YWHAH: variants seen among roughly 807,000 people sequenced by gnomAD.
The protein encoded by YWHAH is 14-3-3 protein eta.
A neutral mutation model predicts 22.9 loss-of-function variants in YWHAH; 6 were observed. The observed-to-expected ratio is 0.26, with a 90% confidence interval of 0.14 to 0.52. The LOEUF (loss-of-function observed/expected upper bound fraction) is 0.52. YWHAH is among the 20% of genes least tolerant of loss of function. The pLI, the probability that YWHAH is intolerant of heterozygous loss-of-function variation, is 0.97. For synonymous variants in YWHAH, 135 were observed against 124.5 expected, an observed-to-expected ratio of 1.08 and a Z score of -0.56; for missense variants, 173 against 308.6, an observed-to-expected ratio of 0.56 and a Z score of 3.29.
intron 1 of YWHAH, among the ~76,000 whole-genome samples, chr22:31,949,738 C>A (rs112689445): frequency 6.6e-6 from 1 of 152,190 alleles, no homozygotes; most frequent in Non-Finnish European, 1.5e-5. Context: ...TTGATTTTCT[C>A]ATGGTCAAAC....
intron 1 of YWHAH, among the ~76,000 whole-genome samples, chr22:31,946,166 G>A (rs912628975): frequency 6.6e-6 from 1 of 152,124 alleles, no homozygotes; most frequent in African/African-American, 2.4e-5. Context: ...ACCGTTGCCC[G>A]TATGTTGATT....
chr22:31,953,556 C>T (rs75783805), intron 1 of YWHAH, among the ~76,000 whole-genome samples: 20,249 of 152,060 alleles, frequency 0.13, 2,122 homozygotes, highest in African/African-American at 0.3. Flanking sequence ...CTCTATTTTC[C>T]GTAAGAAAAT....
In YWHAH at chr22:31,956,711, G is replaced by A. The variant is rs35621275; in HGVS notation, c.660G>A (p.Thr220=). 2.7e-3 allele frequency: 4,402 copies of A among 1,613,842 alleles called. 28 individuals are homozygous for A. Among genetic ancestry groups the A allele is most frequent in the South Asian group, 5.4e-3 (490 of 91,044 alleles). Residue 220 remains threonine (T), a synonymous_variant, in exon 2 of 2, where the codon ACG becomes ACA. Coordinates refer to ENST00000248975, the MANE Select transcript of YWHAH (RefSeq NM_003405.4). The surrounding 1 kb of genome is among the most constrained non-coding windows in gnomAD (Gnocchi z 5.1). The stretch of plus-strand genomic sequence containing the variant: ...ACGAGGATTCCTATAAGGACTCCAC[G>A]CTGATCATGCAGTTGCTGCGAGACA... ...TLNEDSYKDS[T]LIMQLLRDNL... is the part of the protein sequence containing the mutation.
chr22:31,949,105 T>G (rs1603051153), intron 1 of YWHAH, among the ~76,000 whole-genome samples: 3 of 151,990 alleles, frequency 2.0e-5, no homozygotes, highest in Non-Finnish European at 4.4e-5. Context: ...GTGTGTGTGT[T>G]ACATTTAGCA....
chr22:31,954,796 G>T (rs1482303125), intron 1 of YWHAH, among the ~76,000 whole-genome samples: 1 of 152,088 alleles, frequency 6.6e-6, no homozygotes, highest in Non-Finnish European at 1.5e-5. Flanking sequence ...ACCTGTAATT[G>T]CACTTAGGGC....
chr22:31,950,231 C>G, intron 1 of YWHAH: 5 of 700,602 alleles, frequency 7.1e-6, no homozygotes, highest in Non-Finnish European at 1.3e-5. Flanking sequence ...GTTGTTTCTC[C>G]ATATTGCCTT....
rs576593511 is a variant in YWHAH at position 31,944,630 on chromosome 22, G to C, written c.-104G>C. The C allele has an allele frequency of 1.1e-3, 960 of 909,002 alleles. 9 individuals are homozygous for C. In the African/African-American group the frequency reaches 0.014, roughly 14 times the overall value. 56.3% of individuals were successfully genotyped at this position (909,002 alleles called of 1,614,324 possible). Reference sequence around the variant, plus strand: ...CCGGCCGGCCGGCGAGCCAGTGCGCGTGCGCGGCGGCGGCCTCCGCAGCGA... The same window carrying C: ...CCGGCCGGCCGGCGAGCCAGTGCGCCTGCGCGGCGGCGGCCTCCGCAGCGA... On this transcript the variant is annotated 5_prime_UTR_variant, in exon 1 of 2. Transcript: ENST00000248975.
chr22:31,957,381 T>C lies in YWHAH; in HGVS notation c.*589T>C, dbSNP rs1299706605. On this transcript the variant is annotated 3_prime_UTR_variant, in exon 2 of 2. Coordinates refer to ENST00000248975, the MANE Select transcript of YWHAH (RefSeq NM_003405.4). ...CAAACCTTCTTTTCAATGCAATGCA[T>C]CTGAAAGTTTTGATACTTGTAACTT... is the stretch of plus-strand genomic sequence containing the variant. The C allele has an allele frequency of 1.3e-5, 2 of 152,140 alleles. No homozygotes were observed. The highest frequency in any genetic ancestry group is 2.4e-5 in the African/African-American group (1 of 41,344). 9.4% of individuals were successfully genotyped at this position (152,140 alleles called of 1,614,324 possible).
At chr22:31,945,776 G>A in intron 1 of YWHAH, 1 of 1,030,016 alleles carries the variant, frequency 9.7e-7, no homozygotes, top group Non-Finnish European at 1.3e-6. Context: ...TGAGACCTGG[G>A]AGGATCCCCT....
At chr22:31,945,397 A>G in intron 1 of YWHAH, 1 of 1,299,006 alleles carries the variant, frequency 7.7e-7, no homozygotes, top group Non-Finnish European at 1.0e-6. Context: ...CTAGGCGTGG[A>G]CGGGGGCGGG....
chr22:31,944,913 TGGGCGACC>T (rs1347799963), intron 1 of YWHAH, 93 bp downstream of exon 1: 4 of 1,153,720 alleles, frequency 3.5e-6, no homozygotes, highest in Admixed American at 9.4e-5. Flanking sequence ...CTCCCGGCCA[TGGGCGACC>T]CGGCGACCCG....
At position 31,956,276 on chromosome 22, in the gene YWHAH, C is replaced by T. The variant is rs775786720; in HGVS notation, c.225C>T (p.Asn75=). The T allele has an allele frequency of 1.5e-5, 24 of 1,613,826 alleles. No homozygotes were observed. Among genetic ancestry groups the T allele is most frequent in the South Asian group, 7.7e-5 (7 of 91,062 alleles). The part of the protein sequence containing the change: ...SIEQKTMADG[N]EKKLEKVKAY... ...AGCAGAAAACCATGGCTGATGGAAACGAAAAGAAATTGGAGAAAGTTAAAG... is the reference window on the plus strand; with the variant it reads ...AGCAGAAAACCATGGCTGATGGAAATGAAAAGAAATTGGAGAAAGTTAAAG... The change falls in exon 2 of 2, where the codon AAC becomes AAT. Residue 75 remains asparagine, a synonymous_variant. Transcript: ENST00000248975. This position sits in a 1 kb window ranked among gnomAD's most constrained non-coding sequence, Gnocchi z 5.1.
chr22:31,952,621 T>C (rs547825670), intron 1 of YWHAH, among the ~76,000 whole-genome samples: 12 of 152,342 alleles, frequency 7.9e-5, no homozygotes, highest in African/African-American at 2.2e-4. Context: ...TGCTGAGATA[T>C]GTTAGTCACC....
chr22:31,956,594 G>A lies in YWHAH; in HGVS notation c.543G>A (p.Val181=). 6.2e-7 allele frequency: 1 copy of A among 1,614,132 alleles called. No individual in the cohort carries two copies. Among genetic ancestry groups the A allele is most frequent in the African/African-American group, 1.3e-5 (1 of 75,044 alleles). The change falls in exon 2 of 2, where the codon GTG becomes GTA. Residue 181 remains valine, a synonymous_variant. Coordinates refer to ENST00000248975, the MANE Select transcript of YWHAH (RefSeq NM_003405.4). The surrounding 1 kb of genome is among the most constrained non-coding windows in gnomAD (Gnocchi z 5.1). Reference sequence around the variant, plus strand: ...TGGGCCTGGCCCTCAACTTCTCCGTGTTCTACTATGAGATCCAGAATGCAC... The same window carrying A: ...TGGGCCTGGCCCTCAACTTCTCCGTATTCTACTATGAGATCCAGAATGCAC... ...IRLGLALNFS[V]FYYEIQNAPE... is the part of the protein sequence containing the mutation.
At chr22:31,947,160 C>T (rs1327928273) in intron 1 of YWHAH, among the ~76,000 whole-genome samples, 1 of 152,146 alleles carries the variant, frequency 6.6e-6, no homozygotes, top group Non-Finnish European at 1.5e-5. Context: ...GTGTAAGTTT[C>T]AGTAACCCTC....
rs971800971 is a variant in YWHAH at position 31,945,221 on chromosome 22, A to G, written c.87+401A>G. On this transcript the variant is annotated intron_variant, in intron 1 of 1. Transcript: ENST00000248975. ...GTCTTCCTCCGTTCCCCAACTTGGA[A>G]TAAAGAATCACCTAGTAAGTGGCGC... The G allele has an allele frequency of 5.4e-6, 6 of 1,119,844 alleles. No homozygotes were observed. In the East Asian group the frequency reaches 4.2e-4, roughly 78 times the overall value. 69.4% of individuals were successfully genotyped at this position (1,119,844 alleles called of 1,614,324 possible).
chr22:31,945,449 G>A lies in YWHAH; in HGVS notation c.87+629G>A. 6 of 1,304,104 alleles carry A rather than the reference G, an allele frequency of 4.6e-6. No individual in the cohort carries two copies. In the South Asian group the frequency reaches 7.4e-5, roughly 16 times the overall value. The allele number at this position is 1,304,104 out of a possible 1,614,324, so 80.8% of individuals were successfully genotyped here. On this transcript the variant is annotated intron_variant, in intron 1 of 1. Coordinates refer to ENST00000248975, the MANE Select transcript of YWHAH (RefSeq NM_003405.4). Reference sequence around the variant, plus strand: ...GTGGGGCCCCACTCCACAGCCCCAGGTTTGCTGCTGCGCTGTCTGCTTGGA... The same window carrying A: ...GTGGGGCCCCACTCCACAGCCCCAGATTTGCTGCTGCGCTGTCTGCTTGGA...
intron 1 of YWHAH, among the ~76,000 whole-genome samples, chr22:31,951,677 A>G (rs543979282): frequency 1.2e-3 from 180 of 152,278 alleles, no homozygotes; most frequent in Middle Eastern, 3.4e-3. Context: ...AGATAAGTGA[A>G]TGATCAGCAG....
intron 1 of YWHAH, among the ~76,000 whole-genome samples, chr22:31,953,131 T>G (rs1250264957): frequency 6.6e-6 from 1 of 152,264 alleles, no homozygotes; most frequent in South Asian, 2.1e-4. Flanking sequence ...TTTGCCAGTT[T>G]CACAGAAGCA....
Sources: gnomAD v4.1 joint callset for allele counts (sites outside exome capture counted in the v4.1 genomes callset) on GRCh38, gnomAD v4.1.1 for gene constraint, Gnocchi (gnomAD v3.1) non-coding constraint, MANE v1.5 for transcripts, NCBI Gene and HGNC (gene_info 2026-07-23, HGNC 2026-07-21) for gene names.